The following USP37 variants were observed in gnomAD, a reference collection of about 807,000 sequenced individuals.
USP37 encodes ubiquitin carboxyl-terminal hydrolase 37.
USP37 carries 27 observed loss-of-function variants against 124.0 expected under a neutral mutation model. The ratio of observed to expected loss-of-function variants is 0.22; its 90% CI spans 0.16 to 0.30. The LOEUF (loss-of-function observed/expected upper bound fraction) is 0.30. USP37 is among the 10% of genes least tolerant of loss of function. The pLI, the probability that USP37 is intolerant of heterozygous loss-of-function variation, is 1.00. For synonymous variants in USP37, 365 were observed against 388.0 expected (o/e 0.94, Z 0.70); for missense variants, 889 against 1,140.4 (o/e 0.78, Z 3.17).
intron 8 of USP37, among the ~76,000 whole-genome samples, chr2:218,544,430 T>TATATATAGAGAGAGAGAGAGAGAG (rs377397246): frequency 3.9e-5 from 2 of 50,806 alleles, no homozygotes; most frequent in African/African-American, 2.7e-4. Context: ...TATATATATA[T>TATATATAGAGAGAGAGAGAGAGAG]AGAGAGAGAG....
intron 14 of USP37, among the ~76,000 whole-genome samples, chr2:218,489,017 G>A (rs144243187): frequency 2.6e-5 from 4 of 152,022 alleles, no homozygotes; most frequent in African/African-American, 9.6e-5. Context: ...CCTGTCGCAG[G>A]TATACAGCTT....
intron 10 of USP37, among the ~76,000 whole-genome samples, chr2:218,514,633 T>C (rs1432278975): frequency 6.6e-6 from 1 of 152,200 alleles, no homozygotes; most frequent in Non-Finnish European, 1.5e-5. Flanking sequence ...TTTCTATTTT[T>C]CCTTTTGTAA....
chr2:218,464,682 C>CCTTA (rs1463222043), intron 21 of USP37, among the ~76,000 whole-genome samples: 1 of 152,160 alleles, frequency 6.6e-6, no homozygotes, highest in Non-Finnish European at 1.5e-5. Context: ...AAAAATCAGA[C>CCTTA]CTGTAAGTCA....
chr2:218,508,416 A>G (rs1689799219), intron 11 of USP37, among the ~76,000 whole-genome samples: 1 of 152,164 alleles, frequency 6.6e-6, no homozygotes, highest in Admixed American at 6.6e-5. Flanking sequence ...CAGAAATGAA[A>G]GAAACACTGA....
chr2:218,520,910 G>T lies in USP37; in HGVS notation c.863+9046C>A, dbSNP rs549567937. 2.6e-5 allele frequency among the ~76,000 whole-genome samples: 4 copies of T among 152,290 alleles called. No individual in the cohort carries two copies. The East Asian group carries it at 7.7e-4, about 29-fold the overall frequency. On this transcript the variant is annotated intron_variant, in intron 10 of 25. Transcript: ENST00000258399. ...CTCATGTAAAATCATAATACCCAAT[G>T]TTGGAGGTGGGGCTTGGTGGAAGGT...
chr2:218,502,730 A>G (rs1239420327), intron 11 of USP37, among the ~76,000 whole-genome samples: 1 of 152,210 alleles, frequency 6.6e-6, no homozygotes. Flanking sequence ...GGGCAGAAGA[A>G]TTAGACTGGC....
intron 23 of USP37, among the ~76,000 whole-genome samples, chr2:218,458,853 G>C (rs552616126): frequency 6.6e-6 from 1 of 152,026 alleles, no homozygotes; most frequent in Non-Finnish European, 1.5e-5. Context: ...AATCCCTTGA[G>C]CCCAGGAGTC....
In USP37 at chr2:218,475,360, G is replaced by A. The variant is rs536088747; in HGVS notation, c.2044-475C>T. On this transcript the variant is annotated intron_variant, in intron 19 of 25. Coordinates refer to ENST00000258399, the MANE Select transcript of USP37 (RefSeq NM_020935.3). ...AGGCTGGGCGAGGTGGCTCACGCCT[G>A]TAATCCCAGCGGTGGATCACCTGAG... Among the ~76,000 whole-genome samples the A allele has an allele frequency of 3.0e-4, 45 of 152,316 alleles. No individual in the cohort carries two copies. The South Asian group carries it at 9.3e-3, about 32-fold the overall frequency.
At chr2:218,496,604 T>TAAAATATGGTACAACACACA (rs139902111) in intron 13 of USP37, among the ~76,000 whole-genome samples, 6 of 152,178 alleles carry the variant, frequency 3.9e-5, no homozygotes, top group Non-Finnish European at 1.5e-5. Flanking sequence ...AATCTATATT[T>TAAAATATGGTACAACACACA]GAAGAGTCAC....
chr2:218,549,042 A>G (rs1692523900), intron 6 of USP37, among the ~76,000 whole-genome samples: 1 of 152,182 alleles, frequency 6.6e-6, no homozygotes, highest in Non-Finnish European at 1.5e-5. Context: ...GGGAGAAAAC[A>G]TATCAGTGGT....
chr2:218,550,393 A>C (rs1692596191), intron 5 of USP37, among the ~76,000 whole-genome samples: 1 of 152,120 alleles, frequency 6.6e-6, no homozygotes, highest in African/African-American at 2.4e-5. Flanking sequence ...AGGAACATTC[A>C]AGGTATTGTA....
At chr2:218,499,527 A>C (rs1689257295) in intron 11 of USP37, among the ~76,000 whole-genome samples, 2 of 152,210 alleles carry the variant, frequency 1.3e-5, no homozygotes, top group Admixed American at 1.3e-4. Context: ...TAATCAGAGT[A>C]CAATTATCAG....
chr2:218,527,218 G>A (rs1691029790), intron 10 of USP37, among the ~76,000 whole-genome samples: 1 of 152,184 alleles, frequency 6.6e-6, no homozygotes, highest in Non-Finnish European at 1.5e-5. Context: ...GCCCCATGCA[G>A]GTAACAGTAA....
At chr2:218,463,910 C>T (rs567741702) in intron 21 of USP37, among the ~76,000 whole-genome samples, 1 of 141,560 alleles carries the variant, frequency 7.1e-6, no homozygotes, top group East Asian at 2.0e-4. Flanking sequence ...GGCTGGAGGG[C>T]AGTGGCACGA....
rs994981585 is a variant in USP37, at chr2:218,452,992, C to T, written c.*1938G>A. On this transcript the variant is annotated 3_prime_UTR_variant, in exon 26 of 26. Transcript: ENST00000258399. ...GTTTTAAAACAAATATTTTCCTCTG[C>T]TCTAAACTACTCTGGCGTTTTCTAC... The T allele has an allele frequency of 6.6e-6, 1 of 152,118 alleles. No homozygotes were observed. The highest frequency in any genetic ancestry group is 1.9e-4 in the East Asian group (1 of 5,200). The allele number at this position is 152,118 out of a possible 1,614,324, so 9.4% of individuals were successfully genotyped here.
chr2:218,556,192 C>A (rs1303682557), intron 4 of USP37, among the ~76,000 whole-genome samples: 1 of 152,206 alleles, frequency 6.6e-6, no homozygotes, highest in Non-Finnish European at 1.5e-5. Context: ...GTTACTCACT[C>A]CTCAGTGTCC....
At chr2:218,469,811 ATTCTT>A (rs1690570741) in intron 20 of USP37, among the ~76,000 whole-genome samples, 1 of 129,636 alleles carries the variant, frequency 7.7e-6, no homozygotes. Flanking sequence ...TTAACTCAAC[ATTCTT>A]TTTTTTTTTT....
In USP37 at chr2:218,529,140, C is replaced by G. The variant is rs1559210257; in HGVS notation, c.863+816G>C. On this transcript the variant is annotated intron_variant, in intron 10 of 25. Coordinates refer to ENST00000258399, the MANE Select transcript of USP37 (RefSeq NM_020935.3). ...TTCCCAGAGCCAGGTTTAAGAGCAC[C>G]TCCCAACTCAGCCTCCTAAGTAGCT... Among the ~76,000 whole-genome samples, 6 of 152,264 alleles carry G rather than the reference C, an allele frequency of 3.9e-5. No individual in the cohort carries two copies. The South Asian group carries it at 1.0e-3, about 26-fold the overall frequency.
chr2:218,474,946 T>C, intron 19 of USP37, 61 bp from the exon 20 acceptor site: 1 of 1,516,748 alleles, frequency 6.6e-7, no homozygotes, highest in Non-Finnish European at 8.8e-7. Flanking sequence ...CAATCTTAAT[T>C]AGTATTTAAA....
Sources: allele counts gnomAD v4.1 joint callset (sites outside exome capture counted in the v4.1 genomes callset), GRCh38; gene constraint gnomAD v4.1.1; transcripts MANE v1.5; gene names NCBI Gene and HGNC (gene_info 2026-07-23, HGNC 2026-07-21).